ZFPM2: variants seen among roughly 807,000 people sequenced by gnomAD.
ZFPM2 encodes the protein zinc finger protein, FOG family member 2.
ZFPM2 carries 20 observed loss-of-function variants against 98.6 expected under a neutral mutation model. That is an observed-to-expected ratio of 0.20 (90% CI 0.14 to 0.29). The LOEUF is 0.29. Among genes scored for constraint, ZFPM2 ranks in the 10% least tolerant of loss-of-function variants. The pLI is 1.00. For synonymous variants in ZFPM2, 518 were observed against 502.7 expected (o/e 1.03, Z -0.41); for missense variants, 1,310 against 1,388.6 (o/e 0.94, Z 0.90).
intron 3 of ZFPM2, among the ~76,000 whole-genome samples, chr8:105,480,390 A>C (rs7009208): frequency 0.17 from 26,211 of 152,168 alleles, 2,882 homozygotes; most frequent in African/African-American, 0.32. Context: ...TGCATAACTG[A>C]GCCTACAAAT....
At chr8:105,513,934 G>C (rs1813864756) in intron 3 of ZFPM2, among the ~76,000 whole-genome samples, 1 of 151,876 alleles carries the variant, frequency 6.6e-6, no homozygotes, top group Non-Finnish European at 1.5e-5. Context: ...CTGCACCTTG[G>C]GAGCTGGTTG....
intron 1 of ZFPM2, among the ~76,000 whole-genome samples, chr8:105,413,017 G>A (rs1189069923): frequency 6.6e-6 from 1 of 151,860 alleles, no homozygotes; most frequent in Non-Finnish European, 1.5e-5. Flanking sequence ...ATTAAGAGAG[G>A]AGGGGAACGT....
At chr8:105,513,743 A>G (rs1272187879) in intron 3 of ZFPM2, among the ~76,000 whole-genome samples, 1 of 152,222 alleles carries the variant, frequency 6.6e-6, no homozygotes, top group Admixed American at 6.5e-5. Flanking sequence ...GAGGAGATCT[A>G]TGCTTTAAAA....
At chr8:105,536,628 A>G (rs1193827535) in intron 3 of ZFPM2, among the ~76,000 whole-genome samples, 1 of 152,120 alleles carries the variant, frequency 6.6e-6, no homozygotes, top group East Asian at 1.9e-4. Context: ...CACAGGACAC[A>G]TTGTTGGCTT....
intron 3 of ZFPM2, among the ~76,000 whole-genome samples, chr8:105,529,984 G>A (rs1373053459): frequency 6.6e-6 from 1 of 152,054 alleles, no homozygotes; most frequent in Non-Finnish European, 1.5e-5. Context: ...ACCTGCCTCG[G>A]CCTCCCACTT....
At chr8:105,400,485 T>C (rs1214797521) in intron 1 of ZFPM2, among the ~76,000 whole-genome samples, 1 of 152,018 alleles carries the variant, frequency 6.6e-6, no homozygotes, top group Non-Finnish European at 1.5e-5. Context: ...CATTGTTCAA[T>C]TCCCACGAAA....
intron 4 of ZFPM2, among the ~76,000 whole-genome samples, chr8:105,562,281 G>A (rs1333266131): frequency 6.6e-6 from 1 of 151,948 alleles, no homozygotes; most frequent in Non-Finnish European, 1.5e-5. Context: ...TTGCATTCCA[G>A]CCTGGGTGAC....
rs1563704602 is a variant in ZFPM2, at chr8:105,534,106, C to CTTT, written c.302-27257_302-27256insTTT. 8.0e-5 allele frequency among the ~76,000 whole-genome samples: 4 copies of CTTT among 49,704 alleles called. 1 individual carries two copies. Among genetic ancestry groups the CTTT allele is most frequent in the Admixed American group, 2.0e-4 (1 of 5,016 alleles). 32.6% of individuals were successfully genotyped at this position (49,704 alleles called of 152,430 possible). ...ATCTTCCTCCCTCCCTCCCTTCCTC[C>CTTT]CTTCCTTCCTCCCTTCCTTCCTCCC... On this transcript the variant is annotated intron_variant, in intron 3 of 7. Coordinates refer to ENST00000407775, the MANE Select transcript of ZFPM2 (RefSeq NM_012082.4).
At chr8:105,580,827 C>CTCTCTCTCTCTA (rs1277698205) in intron 4 of ZFPM2, among the ~76,000 whole-genome samples, 5 of 131,454 alleles carry the variant, frequency 3.8e-5, no homozygotes, top group African/African-American at 1.4e-4. Context: ...CTCTCTCTCT[C>CTCTCTCTCTCTA]TATATATATA....
At chr8:105,586,002 G>GGTGTGTGT (rs142133685) in intron 4 of ZFPM2, among the ~76,000 whole-genome samples, 98 of 142,730 alleles carry the variant, frequency 6.9e-4, no homozygotes, top group African/African-American at 1.1e-3. Flanking sequence ...GGGGGGAAGG[G>GGTGTGTGT]GTGTGTGTGT....
intron 3 of ZFPM2, among the ~76,000 whole-genome samples, chr8:105,539,210 G>C (rs1466756341): frequency 6.6e-6 from 1 of 152,078 alleles, no homozygotes; most frequent in Non-Finnish European, 1.5e-5. Flanking sequence ...AACATGTATG[G>C]CTTACAAAAT....
intron 3 of ZFPM2, among the ~76,000 whole-genome samples, chr8:105,444,931 T>C (rs1812336570): frequency 6.6e-6 from 1 of 152,136 alleles, no homozygotes. Context: ...ATCAAAATAC[T>C]CCACCACACC....
intron 7 of ZFPM2, 71 bp downstream of exon 7, chr8:105,799,019 A>C: frequency 7.5e-7 from 1 of 1,338,966 alleles, no homozygotes; most frequent in East Asian, 2.3e-5. Flanking sequence ...TATGCATTAC[A>C]TGTATACGTC....
Position 105,798,708 on chromosome 8 carries a change from G to GTGTT in ZFPM2, c.740-14_740-11dup. On this transcript the variant is annotated splice_polypyrimidine_tract_variant and intron_variant, in intron 6 of 7. Transcript: ENST00000407775. Reference sequence around the variant, plus strand: ...ATGGACAGCAGCAAATGTGTCTCTTGTGTTTTTACCTGCAGAGGATATATT... The same window carrying GTGTT: ...ATGGACAGCAGCAAATGTGTCTCTTGTGTTTGTTTTTACCTGCAGAGGATATATT... 5.6e-6 allele frequency: 9 copies of GTGTT among 1,603,636 alleles called. No homozygotes were observed. The highest frequency in any genetic ancestry group is 7.7e-6 in the Non-Finnish European group (9 of 1,173,292).
At chr8:105,490,454 C>G (rs1170612981) in intron 3 of ZFPM2, among the ~76,000 whole-genome samples, 1 of 152,012 alleles carries the variant, frequency 6.6e-6, no homozygotes, top group Non-Finnish European at 1.5e-5. Flanking sequence ...ATCTGTAGTC[C>G]AGAATAATAG....
At chr8:105,765,138 A>G (rs1174971554) in intron 5 of ZFPM2, among the ~76,000 whole-genome samples, 2 of 151,802 alleles carry the variant, frequency 1.3e-5, no homozygotes, top group Non-Finnish European at 2.9e-5. Flanking sequence ...TATCCTTTAG[A>G]GGTCCTGAAT....
At chr8:105,723,182 C>G (rs1180623724) in intron 5 of ZFPM2, among the ~76,000 whole-genome samples, 11 of 151,796 alleles carry the variant, frequency 7.2e-5, no homozygotes, top group Admixed American at 7.2e-4. Context: ...TTCACAGTCT[C>G]TTTCATGATA....
intron 1 of ZFPM2, among the ~76,000 whole-genome samples, chr8:105,401,218 CTT>C (rs1045731483): frequency 2.0e-5 from 3 of 149,604 alleles, no homozygotes; most frequent in African/African-American, 5.0e-5. Flanking sequence ...TAAATACAGA[CTT>C]AATTTAATAA....
chr8:105,650,012 G>C (rs913613963), intron 5 of ZFPM2, among the ~76,000 whole-genome samples: 1 of 152,066 alleles, frequency 6.6e-6, no homozygotes, highest in African/African-American at 2.4e-5. Flanking sequence ...ATCTGGTCCT[G>C]GACTTTTTTT....
Sources: allele counts gnomAD v4.1 joint callset (sites outside exome capture counted in the v4.1 genomes callset), GRCh38; gene constraint gnomAD v4.1.1; transcripts MANE v1.5; gene names NCBI Gene and HGNC (gene_info 2026-07-23, HGNC 2026-07-21).